ITGA1: variants seen among roughly 807,000 people sequenced by gnomAD.
ITGA1 encodes the protein integrin subunit alpha 1.
ITGA1 carries 85 observed loss-of-function variants against 145.9 expected under a neutral mutation model. The ratio of observed to expected loss-of-function variants is 0.58; its 90% CI spans 0.49 to 0.70. The LOEUF (loss-of-function observed/expected upper bound fraction) is 0.70, where lower values mean the gene tolerates loss of function less well. ITGA1 is among the 30% of genes least tolerant of loss of function. The pLI, the probability that ITGA1 is intolerant of heterozygous loss-of-function variation, is 0.00. For synonymous variants in ITGA1, 520 were observed against 495.3 expected (o/e 1.05, Z -0.66); for missense variants, 1,351 against 1,418.7 (o/e 0.95, Z 0.77).
intron 1 of ITGA1, among the ~76,000 whole-genome samples, chr5:52,828,283 T>C (rs1439861434): frequency 2.0e-5 from 3 of 152,134 alleles, no homozygotes; most frequent in Admixed American, 2.0e-4. Context: ...TATATGAGAG[T>C]TCCAATTACT....
At chr5:52,836,080 T>G (rs1374934450) in intron 1 of ITGA1, among the ~76,000 whole-genome samples, 1 of 152,214 alleles carries the variant, frequency 6.6e-6, no homozygotes. Context: ...TTATTTTGCA[T>G]CTTCCCTGAA....
intron 14 of ITGA1, among the ~76,000 whole-genome samples, chr5:52,911,078 T>C (rs1182916679): frequency 3.7e-5 from 5 of 133,448 alleles, no homozygotes; most frequent in Non-Finnish European, 6.2e-5. Context: ...AGTGTATATA[T>C]AGTATATATA....
intron 1 of ITGA1, among the ~76,000 whole-genome samples, chr5:52,792,498 C>T (rs1192403459): frequency 6.6e-6 from 1 of 152,098 alleles, no homozygotes; most frequent in Non-Finnish European, 1.5e-5. Context: ...TTTCTCTTCC[C>T]TCCTGTCATA....
intron 1 of ITGA1, chr5:52,801,470 C>T (rs1471849552): frequency 6.2e-7 from 1 of 1,613,996 alleles, no homozygotes; most frequent in Admixed American, 1.7e-5. Flanking sequence ...CCTACTGTGG[C>T]TAGCCGCCTT....
intron 2 of ITGA1, among the ~76,000 whole-genome samples, chr5:52,852,496 A>G (rs1049976685): frequency 6.6e-6 from 1 of 152,180 alleles, no homozygotes; most frequent in Non-Finnish European, 1.5e-5. Context: ...GAAGTTTGGA[A>G]ATGGTCAATG....
At chr5:52,860,609 A>G (rs1749583981) in intron 2 of ITGA1, among the ~76,000 whole-genome samples, 1 of 152,232 alleles carries the variant, frequency 6.6e-6, no homozygotes, top group South Asian at 2.1e-4. Context: ...TCCCAAGTAC[A>G]AAATCTCATA....
chr5:52,927,429 C>T (rs1381344480), intron 19 of ITGA1, among the ~76,000 whole-genome samples, 155 bp from the exon 20 acceptor site: 2 of 152,162 alleles, frequency 1.3e-5, no homozygotes, highest in Admixed American at 1.3e-4. Context: ...GAGTGTAGAA[C>T]AGCTGGTCCC....
chr5:52,825,097 A>T (rs1748939329), intron 1 of ITGA1: 1 of 152,010 alleles, frequency 6.6e-6, no homozygotes, highest in South Asian at 2.1e-4. Context: ...TGTATCTGTT[A>T]CTCTTATTCC....
At chr5:52,863,513 C>A (rs1438538769) in intron 3 of ITGA1, among the ~76,000 whole-genome samples, 1 of 152,122 alleles carries the variant, frequency 6.6e-6, no homozygotes, top group Non-Finnish European at 1.5e-5. Context: ...CAAAACAAAA[C>A]ACAAAAGCAC....
Position 52,957,950 on chromosome 5 carries a change from T to A in ITGA1, c.*5499T>A, listed in dbSNP as rs1238754041. 6.6e-6 allele frequency: 1 copy of A among 152,258 alleles called. No homozygotes were observed. Among genetic ancestry groups the A allele is most frequent in the Non-Finnish European group, 1.5e-5 (1 of 68,050 alleles). The allele number at this position is 152,258 out of a possible 1,614,324, so 9.4% of individuals were successfully genotyped here. A position where few individuals can be genotyped will look rare whatever the true frequency, so the allele number is the denominator to read the frequency against. On this transcript the variant is annotated 3_prime_UTR_variant, in exon 29 of 29. Coordinates refer to ENST00000282588, the MANE Select transcript of ITGA1 (RefSeq NM_181501.2). ...TTTAAATCTTTTTATTTCAGTTTGA[T>A]CTGTGCCTTTAGATTGGGGACAAAA...
intron 1 of ITGA1, among the ~76,000 whole-genome samples, chr5:52,826,976 A>G (rs1396946995): frequency 6.6e-6 from 1 of 152,184 alleles, no homozygotes; most frequent in Non-Finnish European, 1.5e-5. Context: ...TTATTTAAGA[A>G]ATACATTTCA....
At chr5:52,949,236 T>C (rs1395591938) in intron 28 of ITGA1, among the ~76,000 whole-genome samples, 1 of 152,202 alleles carries the variant, frequency 6.6e-6, no homozygotes, top group Non-Finnish European at 1.5e-5. Context: ...TTTAAACATT[T>C]CTGCTTTAAG....
At chr5:52,910,456 G>T in intron 14 of ITGA1, 37 bp downstream of exon 14, 1 of 1,592,776 alleles carries the variant, frequency 6.3e-7, no homozygotes, top group Admixed American at 1.7e-5. Context: ...ACCCTTCAGT[G>T]ATAAGTCGGT....
At chr5:52,821,681 G>A (rs1748881667) in intron 1 of ITGA1, among the ~76,000 whole-genome samples, 1 of 152,040 alleles carries the variant, frequency 6.6e-6, no homozygotes, top group Non-Finnish European at 1.5e-5. Context: ...GTGATTTCTT[G>A]GAAGGGCTTA....
chr5:52,899,838 C>G (rs1331187772), intron 11 of ITGA1, among the ~76,000 whole-genome samples: 2 of 152,148 alleles, frequency 1.3e-5, no homozygotes, highest in Admixed American at 6.6e-5. Flanking sequence ...AATTTCCAAT[C>G]AAGAAACTGA....
At chr5:52,872,086 T>C (rs1185171037) in intron 6 of ITGA1, among the ~76,000 whole-genome samples, 4 of 152,212 alleles carry the variant, frequency 2.6e-5, no homozygotes, top group Admixed American at 2.0e-4. Context: ...GAACAATGTC[T>C]AGATTGTTCA....
chr5:52,788,267 A>G lies in ITGA1; in HGVS notation c.-87A>G. ...GGACTGGGAACCGCGGCAGCGGGAT[A>G]AGTGGCCCAGCCAGAGAGCGCAGCT... On this transcript the variant is annotated 5_prime_UTR_variant, in exon 1 of 29. The change creates a new upstream start codon in the 5' untranslated region. Transcript: ENST00000282588. 9.5e-7 allele frequency: 1 copy of G among 1,054,370 alleles called. No homozygotes were observed. Among genetic ancestry groups the G allele is most frequent in the Non-Finnish European group, 1.3e-6 (1 of 778,590 alleles). The allele number at this position is 1,054,370 out of a possible 1,614,324, so 65.3% of individuals were successfully genotyped here. A position where few individuals can be genotyped will look rare whatever the true frequency, so the allele number is the denominator to read the frequency against.
At chr5:52,830,707 CTCA>C (rs1464432041) in intron 1 of ITGA1, among the ~76,000 whole-genome samples, 5 of 152,098 alleles carry the variant, frequency 3.3e-5, no homozygotes, top group African/African-American at 1.2e-4. Context: ...AGTAGTTGCA[CTCA>C]AGATATGAAG....
chr5:52,811,381 C>A (rs1748681600), intron 1 of ITGA1, among the ~76,000 whole-genome samples: 1 of 152,144 alleles, frequency 6.6e-6, no homozygotes, highest in Admixed American at 6.5e-5. Context: ...CTACTTGGTG[C>A]AGTAACAATA....
Sources: gnomAD v4.1 joint callset for allele counts (sites outside exome capture counted in the v4.1 genomes callset) on GRCh38, gnomAD v4.1.1 for gene constraint, MANE v1.5 for transcripts, NCBI Gene and HGNC (gene_info 2026-07-23, HGNC 2026-07-21) for gene names.